LYST: variants seen among roughly 807,000 people sequenced by gnomAD.
LYST encodes lysosomal trafficking regulator.
A neutral mutation model predicts 413.6 loss-of-function variants in LYST; 192 were observed. The ratio of observed to expected loss-of-function variants is 0.46; its 90% CI spans 0.41 to 0.52. LYST has a LOEUF of 0.52. Among genes scored for constraint, LYST ranks in the 20% least tolerant of loss-of-function variants. The pLI is 0.00. For synonymous variants in LYST, 1,525 were observed against 1,567.3 expected (o/e 0.97, Z 0.64); for missense variants, 3,815 against 4,499.9 (o/e 0.85, Z 4.35).
chr1:235,738,112 G>GT, intron 31 of LYST: 1 of 1,607,788 alleles, frequency 6.2e-7, no homozygotes, highest in Non-Finnish European at 8.5e-7. Context: ...TGTGCCATCG[G>GT]TATCTTAATG....
chr1:235,713,915 A>G (rs1331094031), intron 42 of LYST, among the ~76,000 whole-genome samples: 1 of 152,234 alleles, frequency 6.6e-6, no homozygotes, highest in East Asian at 1.9e-4. Context: ...CATTCATAAT[A>G]GTAACATGAA....
intron 1 of LYST, among the ~76,000 whole-genome samples, chr1:235,855,507 T>C (rs1006340851): frequency 2.6e-5 from 4 of 152,298 alleles, no homozygotes; most frequent in East Asian, 3.9e-4. Context: ...TTATTCATAC[T>C]GTTAAAGATA....
chr1:235,766,012 G>C, intron 21 of LYST, 67 bp downstream of exon 21: 1 of 1,182,428 alleles, frequency 8.5e-7, no homozygotes, highest in South Asian at 1.2e-5. Context: ...AAACAAATGT[G>C]AATCAAGTGG....
chr1:235,780,979 C>T lies in LYST; in HGVS notation c.5100G>A (p.Lys1700=). ...GPNHTSVMPC[K]YGKPVNDYSK... The stretch of plus-strand genomic sequence containing the variant: ...AGTAGTCATTGACTGGCTTGCCATA[C>T]TTACATGGCATTACAGATGTATGGT... The change falls in exon 16 of 53, where the codon AAG becomes AAA. Residue 1700 remains lysine (K), a synonymous_variant. Coordinates refer to ENST00000389793, the MANE Select transcript of LYST (RefSeq NM_000081.4). 1 of 1,608,050 alleles carries T rather than the reference C, an allele frequency of 6.2e-7. No individual in the cohort carries two copies. Among genetic ancestry groups the T allele is most frequent in the Non-Finnish European group, 8.5e-7 (1 of 1,175,420 alleles).
intron 5 of LYST, among the ~76,000 whole-genome samples, chr1:235,807,139 G>A (rs1284898846): frequency 6.6e-6 from 1 of 152,138 alleles, no homozygotes; most frequent in African/African-American, 2.4e-5. Context: ...ACACCCTGAG[G>A]GCAGGCAAGC....
At chr1:235,715,400 C>T in intron 41 of LYST, 43 bp from the exon 42 acceptor site, 10 of 1,593,126 alleles carry the variant, frequency 6.3e-6, no homozygotes, top group Non-Finnish European at 8.6e-6. Flanking sequence ...ATTGTGGGCT[C>T]CAGGCAACGC....
intron 42 of LYST, among the ~76,000 whole-genome samples, chr1:235,714,391 T>A (rs1572053920): frequency 6.6e-6 from 1 of 152,178 alleles, no homozygotes; most frequent in African/African-American, 2.4e-5. Context: ...ACAGCTGTCA[T>A]ATAGAACATT....
intron 1 of LYST, among the ~76,000 whole-genome samples, chr1:235,853,381 A>G (rs1053834058): frequency 1.3e-5 from 2 of 152,192 alleles, no homozygotes; most frequent in African/African-American, 4.8e-5. Context: ...ATGGAAATAA[A>G]TGGTTGTGCT....
chr1:235,687,090 A>C, intron 47 of LYST, 43 bp from the exon 48 acceptor site: 1 of 1,285,176 alleles, frequency 7.8e-7, no homozygotes. Context: ...TTTTAAAAGA[A>C]TGAAACTTAA....
At position 235,857,784 on chromosome 1, in the gene LYST, C is replaced by CACACAT. The variant is rs145820873; in HGVS notation, c.-98+9058_-98+9059insATGTGT. Among the ~76,000 whole-genome samples the CACACAT allele has an allele frequency of 7.9e-3, 963 of 122,070 alleles. 11 individuals carry two copies. The highest frequency in any genetic ancestry group is 0.027 in the African/African-American group (833 of 31,218). 80.1% of individuals were successfully genotyped at this position (122,070 alleles called of 152,430 possible). A position where few individuals can be genotyped will look rare whatever the true frequency, so the allele number is the denominator to read the frequency against. ...ACACACACACACACACACACACACA[C>CACACAT]ATATATATATAAAATTTCACAAGCC... On this transcript the variant is annotated intron_variant, in intron 1 of 52. Coordinates refer to ENST00000389793, the MANE Select transcript of LYST (RefSeq NM_000081.4).
chr1:235,737,931 GCCGC>G, intron 31 of LYST: 2,527 of 1,178,260 alleles, frequency 2.1e-3, no homozygotes, highest in South Asian at 0.015. Flanking sequence ...GGATCTCACT[GCCGC>G]GTGCCCCAAC....
At chr1:235,833,364 T>G (rs1045120699) in intron 2 of LYST, among the ~76,000 whole-genome samples, 1 of 152,146 alleles carries the variant, frequency 6.6e-6, no homozygotes. Flanking sequence ...TATATCCTTT[T>G]GTAACTTTGC....
Position 235,664,009 on chromosome 1 carries a change from G to A in LYST, c.11242C>T (p.Pro3748Ser), listed in dbSNP as rs1658236411. The change falls in exon 52 of 53, where the codon CCC (proline) becomes TCC (serine). Residue 3748 changes from proline to serine, a missense_variant. Pro to Ser is a moderately conservative substitution (Grantham distance 74). Transcript: ENST00000389793. This position sits in a 1 kb window ranked among gnomAD's most constrained non-coding sequence, Gnocchi z 4.5. ...CTGATGATGGGCTTATTTGATTTGG[G>A]AAATGTAATTTCTCTCACAGGCTTT... ...DLKPVREITF[P>S]KSNKPIISLT... 1 of 1,612,922 alleles carries A rather than the reference G, an allele frequency of 6.2e-7. No individual in the cohort carries two copies. Among genetic ancestry groups the A allele is most frequent in the Admixed American group, 1.7e-5 (1 of 59,998 alleles).
At chr1:235,733,735 C>A in intron 33 of LYST, 44 bp from the exon 34 acceptor site, 1 of 1,531,486 alleles carries the variant, frequency 6.5e-7, no homozygotes, top group Admixed American at 1.7e-5. Context: ...ATACATGGAA[C>A]GTATTTATCA....
In LYST at chr1:235,800,321, T is replaced by A. The variant is rs762965409; in HGVS notation, c.4005A>T (p.Gln1335His). The A allele has an allele frequency of 5.1e-6, 8 of 1,570,982 alleles. No individual in the cohort carries two copies. In the South Asian group the frequency reaches 7.8e-5, roughly 15 times the overall value. The stretch of plus-strand genomic sequence containing the variant: ...TTGTTTAAAACAGTTTCAACTTACC[T>A]TGAAAATCAGAATCATCCTGTGTTA... The part of the protein sequence containing the change: ...SILTQDDSDF[Q>H]ACQRVLVDLL... Residue 1335 changes from glutamine to histidine, a missense_variant and splice_region_variant, in exon 10 of 53, where the codon CAA becomes CAT. Gln to His is a conservative substitution (Grantham distance 24). Around this residue, in one of 4 missense-constraint regions of LYST, gnomAD observed 1,648 missense variants for 1,810.3 expected, o/e 0.91. Coordinates refer to ENST00000389793, the MANE Select transcript of LYST (RefSeq NM_000081.4).
intron 1 of LYST, among the ~76,000 whole-genome samples, chr1:235,851,132 C>T (rs1057221131): frequency 6.6e-6 from 1 of 151,882 alleles, no homozygotes; most frequent in Non-Finnish European, 1.5e-5. Flanking sequence ...AAATGCCCAT[C>T]AATCAACAAG....
intron 14 of LYST, among the ~76,000 whole-genome samples, chr1:235,783,481 C>T (rs1480582041): frequency 2.6e-5 from 4 of 151,814 alleles, no homozygotes; most frequent in Non-Finnish European, 4.4e-5. Flanking sequence ...GGCCTGTCGG[C>T]GGGTGTTGGG....
At chr1:235,725,391 G>C (rs532636881) in intron 38 of LYST, among the ~76,000 whole-genome samples, 4 of 152,094 alleles carry the variant, frequency 2.6e-5, no homozygotes, top group Admixed American at 1.3e-4. Context: ...CCGAGATCAC[G>C]CCACTGCACT....
intron 28 of LYST, among the ~76,000 whole-genome samples, chr1:235,749,146 G>T (rs1666215543): frequency 1.3e-5 from 2 of 152,118 alleles, no homozygotes; most frequent in South Asian, 4.1e-4. Flanking sequence ...AAATGGACTT[G>T]AATTAGTTTT....
Sources: gnomAD v4.1 joint callset for allele counts (sites outside exome capture counted in the v4.1 genomes callset) on GRCh38, gnomAD v4.1.1 for gene constraint, gnomAD v4.1.1 regional missense constraint, Gnocchi (gnomAD v3.1) non-coding constraint, MANE v1.5 for transcripts, NCBI Gene and HGNC (gene_info 2026-07-23, HGNC 2026-07-21) for gene names.